Variants in CHRM3 observed in about 807,000 individuals in gnomAD.
CHRM3 encodes the protein cholinergic receptor muscarinic 3, also known as muscarinic acetylcholine receptor M3.
CHRM3 carries 11 observed loss-of-function variants against 41.8 expected under a neutral mutation model. The observed-to-expected ratio is 0.26, with a 90% CI of 0.17 to 0.44. The LOEUF (loss-of-function observed/expected upper bound fraction) is 0.44, where lower values mean the gene tolerates loss of function less well. Ranked by LOEUF, CHRM3 falls within the 20% of genes least tolerant of loss-of-function variation. CHRM3 has a pLI of 1.00. For synonymous variants in CHRM3, 297 were observed against 301.4 expected (o/e 0.99, Z 0.15); for missense variants, 571 against 745.4 (o/e 0.77, Z 2.72).
Position 239,411,414 on chromosome 1 carries a change from C to T in CHRM3, c.-521+24187C>T, listed in dbSNP as rs187026836. ...ACAGTTTCTAACTGGCAGACCTACA[C>T]GAAAGAAAAACAAATAAGAAATAAG... On this transcript the variant is annotated intron_variant, in intron 1 of 6. Coordinates refer to ENST00000676153, the MANE Select transcript of CHRM3 (RefSeq NM_001375978.1). Among the ~76,000 whole-genome samples the T allele has an allele frequency of 6.7e-3, 1,013 of 152,062 alleles. 14 individuals are homozygous for T. The highest frequency in any genetic ancestry group is 0.023 in the African/African-American group (944 of 41,486).
chr1:239,415,532 A>T (rs556546107), intron 1 of CHRM3, among the ~76,000 whole-genome samples: 1 of 152,340 alleles, frequency 6.6e-6, no homozygotes, highest in African/African-American at 2.4e-5. Flanking sequence ...GAAAATAGGA[A>T]AATAAAGGGA....
At chr1:239,399,507 C>T (rs1484596849) in intron 1 of CHRM3, among the ~76,000 whole-genome samples, 3 of 152,038 alleles carry the variant, frequency 2.0e-5, no homozygotes, top group Non-Finnish European at 4.4e-5. Context: ...CAACCATCAC[C>T]CCTTCCCTGT....
chr1:239,701,067 G>A (rs1351446570), intron 5 of CHRM3, among the ~76,000 whole-genome samples: 1 of 152,092 alleles, frequency 6.6e-6, no homozygotes, highest in African/African-American at 2.4e-5. Flanking sequence ...CCCTTCAGTT[G>A]TCTTCTTAAT....
chr1:239,672,261 G>A (rs1278294710), intron 4 of CHRM3, among the ~76,000 whole-genome samples: 1 of 152,130 alleles, frequency 6.6e-6, no homozygotes, highest in African/African-American at 2.4e-5. Context: ...TGTCCTGGGG[G>A]CTGCAGCACT....
chr1:239,787,572 A>G (rs1480125607), intron 5 of CHRM3, among the ~76,000 whole-genome samples: 1 of 152,172 alleles, frequency 6.6e-6, no homozygotes, highest in Non-Finnish European at 1.5e-5. Context: ...TCGGCAATTC[A>G]AAGGTCCTTG....
chr1:239,800,463 G>A (rs544285769), intron 5 of CHRM3, among the ~76,000 whole-genome samples: 3 of 152,326 alleles, frequency 2.0e-5, no homozygotes, highest in African/African-American at 7.2e-5. Flanking sequence ...ATCAAAGCAG[G>A]TTAGCACCAG....
intron 1 of CHRM3, among the ~76,000 whole-genome samples, chr1:239,408,600 C>T (rs2103030389): frequency 1.3e-5 from 2 of 150,320 alleles, no homozygotes; most frequent in South Asian, 4.2e-4. Context: ...AGCGTGAGAA[C>T]GGACTAATAC....
At chr1:239,511,533 G>T (rs530872176) in intron 2 of CHRM3, among the ~76,000 whole-genome samples, 2 of 152,258 alleles carry the variant, frequency 1.3e-5, no homozygotes, top group East Asian at 1.9e-4. Flanking sequence ...TTTTTGAAAA[G>T]ATTAGATATG....
rs572527598 is a variant in CHRM3, at chr1:239,836,716, G to A, written c.-20+9338G>A. 2.7e-4 allele frequency among the ~76,000 whole-genome samples: 41 copies of A among 152,266 alleles called. No individual in the cohort carries two copies. In the South Asian group the frequency reaches 7.3e-3, roughly 27 times the overall value. ...GAGGGGGCCTGGCGTGGTGGCTCACGTCTGTAATCTCGGCACTTTGGGAGG... is the reference window on the plus strand; with the variant it reads ...GAGGGGGCCTGGCGTGGTGGCTCACATCTGTAATCTCGGCACTTTGGGAGG... On this transcript the variant is annotated intron_variant, in intron 6 of 6. Coordinates refer to ENST00000676153, the MANE Select transcript of CHRM3 (RefSeq NM_001375978.1).
chr1:239,681,730 A>C (rs1658585636), intron 5 of CHRM3, among the ~76,000 whole-genome samples: 1 of 152,082 alleles, frequency 6.6e-6, no homozygotes, highest in African/African-American at 2.4e-5. Context: ...TCCTGTCTCT[A>C]CATAAAAGAA....
intron 1 of CHRM3, among the ~76,000 whole-genome samples, chr1:239,397,009 AT>A: frequency 6.6e-6 from 1 of 152,314 alleles, no homozygotes; most frequent in South Asian, 2.1e-4. Context: ...ATATGCCTTT[AT>A]TCAGCAATTT....
In CHRM3 at chr1:239,776,556, A is replaced by G. The variant is rs998479328; in HGVS notation, c.-146-50696A>G. Among the ~76,000 whole-genome samples the G allele has an allele frequency of 5.3e-5, 8 of 152,290 alleles. 1 individual carries two copies. The highest frequency in any genetic ancestry group is 1.9e-4 in the African/African-American group (8 of 41,554). On this transcript the variant is annotated intron_variant, in intron 5 of 6. Transcript: ENST00000676153. ...ACCTTTCAAAAAATTGATGTAAGGA[A>G]GGGAAGAAGAACAAAGAGATGAAAA...
intron 6 of CHRM3, among the ~76,000 whole-genome samples, chr1:239,850,949 G>C (rs1389555903): frequency 6.6e-6 from 1 of 152,032 alleles, no homozygotes; most frequent in Non-Finnish European, 1.5e-5. Context: ...ATACAAGTAG[G>C]TTTCCAATTA....
At chr1:239,652,281 G>A (rs904904074) in intron 4 of CHRM3, among the ~76,000 whole-genome samples, 1 of 152,076 alleles carries the variant, frequency 6.6e-6, no homozygotes, top group African/African-American at 2.4e-5. Context: ...AGTGACTCAT[G>A]GGCACATTAA....
intron 6 of CHRM3, among the ~76,000 whole-genome samples, chr1:239,904,554 T>C (rs1679825617): frequency 6.6e-6 from 1 of 152,172 alleles, no homozygotes; most frequent in Admixed American, 6.5e-5. Flanking sequence ...CTTCTGTACA[T>C]GCATCTTGGA....
chr1:239,415,034 C>G (rs1661387412), intron 1 of CHRM3, among the ~76,000 whole-genome samples: 1 of 152,148 alleles, frequency 6.6e-6, no homozygotes. Context: ...TCCAAAGCAG[C>G]TTTCAAACAA....
chr1:239,744,511 G>T (rs1665173950), intron 5 of CHRM3, among the ~76,000 whole-genome samples: 1 of 152,088 alleles, frequency 6.6e-6, no homozygotes, highest in South Asian at 2.1e-4. Flanking sequence ...GACCTTTCAG[G>T]TAAGGGACCA....
At position 239,688,342 on chromosome 1, in the gene CHRM3, G is replaced by A. The variant is rs147776364; in HGVS notation, c.-147+10054G>A. Reference sequence around the variant, plus strand: ...TAGATATTTGTGTGTGTTTGTGTGTGTGTGCATATATATTCCCGTTAATTT... The same window carrying A: ...TAGATATTTGTGTGTGTTTGTGTGTATGTGCATATATATTCCCGTTAATTT... On this transcript the variant is annotated intron_variant, in intron 5 of 6. Transcript: ENST00000676153. Among the ~76,000 whole-genome samples, 842 of 145,720 alleles carry A rather than the reference G, an allele frequency of 5.8e-3. 8 individuals carry two copies. The highest frequency in any genetic ancestry group is 0.02 in the African/African-American group (812 of 40,072).
chr1:239,630,116 T>A (rs1669639194), intron 3 of CHRM3, among the ~76,000 whole-genome samples: 1 of 152,220 alleles, frequency 6.6e-6, no homozygotes, highest in South Asian at 2.1e-4. Context: ...AACTTCAAGA[T>A]GTTCAATCTC....
Sources: allele counts gnomAD v4.1 joint callset (sites outside exome capture counted in the v4.1 genomes callset), GRCh38; gene constraint gnomAD v4.1.1; transcripts MANE v1.5; gene names NCBI Gene and HGNC (gene_info 2026-07-23, HGNC 2026-07-21).